Variants in SLC8A1 observed in about 807,000 individuals in gnomAD.
SLC8A1 encodes the protein sodium/calcium exchanger 1.
SLC8A1 carries 18 observed loss-of-function variants against 68.3 expected under a neutral mutation model. The observed-to-expected ratio is 0.26, with a 90% CI of 0.18 to 0.39. The LOEUF (loss-of-function observed/expected upper bound fraction) is 0.39. Ranked by LOEUF, SLC8A1 falls within the 10% of genes least tolerant of loss-of-function variation. The pLI is 1.00. For synonymous variants in SLC8A1, 475 were observed against 415.5 expected (o/e 1.14, Z -1.74); for missense variants, 985 against 1,156.7 (o/e 0.85, Z 2.15).
intron 1 of SLC8A1, among the ~76,000 whole-genome samples, chr2:40,450,369 TGC>T (rs1491051414): frequency 6.6e-6 from 1 of 151,358 alleles, no homozygotes; most frequent in Non-Finnish European, 1.5e-5. Context: ...TGTGTGTGTG[TGC>T]ACGCGCGCGC....
chr2:40,240,045 C>G (rs2061003191), intron 2 of SLC8A1, among the ~76,000 whole-genome samples: 1 of 152,180 alleles, frequency 6.6e-6, no homozygotes, highest in Non-Finnish European at 1.5e-5. Context: ...ACCTCCAAGT[C>G]AAGAGCCTGG....
intron 1 of SLC8A1, among the ~76,000 whole-genome samples, chr2:40,499,514 G>A (rs761779874): frequency 1.1e-4 from 16 of 152,210 alleles, no homozygotes; most frequent in Non-Finnish European, 1.6e-4. Flanking sequence ...GAGAATTAGA[G>A]AGATATTCTT....
At chr2:40,357,228 G>A (rs968312426) in intron 2 of SLC8A1, among the ~76,000 whole-genome samples, 10 of 152,154 alleles carry the variant, frequency 6.6e-5, no homozygotes, top group South Asian at 2.1e-4. Flanking sequence ...CAGCTGGCTC[G>A]TACCTCTAAT....
At chr2:40,509,633 C>T (rs1195530677) in intron 1 of SLC8A1, among the ~76,000 whole-genome samples, 1 of 151,938 alleles carries the variant, frequency 6.6e-6, no homozygotes, top group Non-Finnish European at 1.5e-5. Context: ...GCTTCCTCCT[C>T]TTGTTATTGT....
chr2:40,144,805 A>C (rs982202420), intron 6 of SLC8A1, among the ~76,000 whole-genome samples: 3 of 152,136 alleles, frequency 2.0e-5, no homozygotes, highest in Non-Finnish European at 4.4e-5. Flanking sequence ...ATTTGTTTAA[A>C]ATTTTATCAT....
At chr2:40,246,995 A>T (rs1337619603) in intron 2 of SLC8A1, among the ~76,000 whole-genome samples, 1 of 152,188 alleles carries the variant, frequency 6.6e-6, no homozygotes, top group Non-Finnish European at 1.5e-5. Flanking sequence ...CTTTTCTTAC[A>T]TGTTAAGAAA....
intron 2 of SLC8A1, among the ~76,000 whole-genome samples, chr2:40,344,846 G>C (rs1052208610): frequency 2.6e-5 from 4 of 152,104 alleles, no homozygotes; most frequent in African/African-American, 9.7e-5. Flanking sequence ...ACTCAAAACT[G>C]AACATTCAGC....
At chr2:40,122,856 T>A (rs1002011613) in intron 7 of SLC8A1, among the ~76,000 whole-genome samples, 2 of 152,256 alleles carry the variant, frequency 1.3e-5, no homozygotes, top group African/African-American at 2.4e-5. Context: ...TTAACTTGAA[T>A]GTTTGCACTT....
chr2:40,180,155 G>A (rs1213114832), intron 2 of SLC8A1, among the ~76,000 whole-genome samples: 1 of 151,720 alleles, frequency 6.6e-6, no homozygotes, highest in Non-Finnish European at 1.5e-5. Context: ...ACTACCAACA[G>A]TATGATAATG....
intron 1 of SLC8A1, among the ~76,000 whole-genome samples, chr2:40,491,316 A>G (rs1056193781): frequency 8.6e-5 from 13 of 151,994 alleles, no homozygotes; most frequent in Non-Finnish European, 1.6e-4. Context: ...AATGCTTGTG[A>G]TTTTTGTACA....
At chr2:40,168,416 T>G (rs901059830) in intron 4 of SLC8A1, among the ~76,000 whole-genome samples, 6 of 152,142 alleles carry the variant, frequency 3.9e-5, no homozygotes, top group African/African-American at 1.4e-4. Flanking sequence ...TACAGGGTCA[T>G]GGAAGGGTCA....
intron 5 of SLC8A1, among the ~76,000 whole-genome samples, chr2:40,162,844 A>G (rs1353682540): frequency 6.6e-6 from 1 of 152,160 alleles, no homozygotes; most frequent in African/African-American, 2.4e-5. Context: ...GTCACACCAT[A>G]GTAAATAAGA....
rs79128113 is a variant in SLC8A1, at chr2:40,120,123, C to T, written c.2438-4494G>A. Among the ~76,000 whole-genome samples, 321 of 152,340 alleles carry T rather than the reference C, an allele frequency of 2.1e-3. 1 individual carries two copies. The highest frequency in any genetic ancestry group is 7.4e-3 in the African/African-American group (308 of 41,578). The stretch of plus-strand genomic sequence containing the variant: ...CTTCTGCAAAAAAAGGTCATTCTCA[C>T]AGTCTTGCAGGATGGATGCAGGGAT... On this transcript the variant is annotated intron_variant, in intron 7 of 7. Coordinates refer to ENST00000406785, the Ensembl canonical transcript of SLC8A1.
intron 2 of SLC8A1, among the ~76,000 whole-genome samples, chr2:40,289,975 T>A (rs1230401171): frequency 6.6e-6 from 1 of 152,050 alleles, no homozygotes; most frequent in Non-Finnish European, 1.5e-5. Flanking sequence ...ACATATTTTT[T>A]AGGTAGTTGG....
chr2:40,376,629 C>T (rs142862494), intron 2 of SLC8A1, among the ~76,000 whole-genome samples: 1 of 148,782 alleles, frequency 6.7e-6, no homozygotes, highest in Non-Finnish European at 1.5e-5. Flanking sequence ...CACGCTGTGG[C>T]AGATGCAACC....
chr2:40,497,558 AG>A (rs1290294350), intron 1 of SLC8A1, among the ~76,000 whole-genome samples: 7 of 152,042 alleles, frequency 4.6e-5, no homozygotes, highest in Non-Finnish European at 5.9e-5. Context: ...AGCTCTATTG[AG>A]GGTTCATCAA....
At chr2:40,307,304 G>T (rs1446675979) in intron 2 of SLC8A1, among the ~76,000 whole-genome samples, 1 of 152,076 alleles carries the variant, frequency 6.6e-6, no homozygotes, top group Non-Finnish European at 1.5e-5. Flanking sequence ...TCACATAAAG[G>T]CAAGTATGAT....
chr2:40,251,557 T>G (rs2062752399), intron 2 of SLC8A1: 1 of 152,222 alleles, frequency 6.6e-6, no homozygotes, highest in South Asian at 2.1e-4. Flanking sequence ...TTGTAAGGCC[T>G]GTGCATTGTC....
intron 1 of SLC8A1, among the ~76,000 whole-genome samples, chr2:40,471,615 G>A (rs1426779829): frequency 6.6e-6 from 1 of 152,066 alleles, no homozygotes; most frequent in Non-Finnish European, 1.5e-5. Context: ...TCATATAGAG[G>A]AAGCACACCC....
Sources: gnomAD v4.1 joint callset for allele counts (sites outside exome capture counted in the v4.1 genomes callset) on GRCh38, gnomAD v4.1.1 for gene constraint, MANE v1.5 for transcripts, NCBI Gene and HGNC (gene_info 2026-07-23, HGNC 2026-07-21) for gene names.